Variants in SPTA1 observed in about 807,000 individuals in gnomAD.
SPTA1 encodes spectrin alpha chain, erythrocytic 1.
SPTA1 carries 177 observed loss-of-function variants against 324.7 expected under a neutral mutation model. That is an observed-to-expected ratio of 0.55 (90% CI 0.48 to 0.62). The LOEUF is 0.62. Ranked by LOEUF, SPTA1 falls within the 20% of genes least tolerant of loss-of-function variation. The probability of loss-of-function intolerance (pLI) is 0.00; values close to 1 mark genes in which losing one functional copy is unlikely to be tolerated. For synonymous variants in SPTA1, 1,195 were observed against 1,041.3 expected (o/e 1.15, Z -2.84); for missense variants, 3,162 against 2,883.6 (o/e 1.10, Z -2.21).
chr1:158,626,444 T>A (rs1037446492), intron 41 of SPTA1, among the ~76,000 whole-genome samples: 1 of 152,084 alleles, frequency 6.6e-6, no homozygotes, highest in Admixed American at 6.6e-5. Context: ...TTTTGAGTAC[T>A]TCATAGAAAA....
intron 18 of SPTA1, among the ~76,000 whole-genome samples, chr1:158,658,393 TATGCACAC>T (rs1652979065): frequency 1.3e-5 from 2 of 152,142 alleles, no homozygotes. Flanking sequence ...TGATTACTCA[TATGCACAC>T]ATGTATAAGG....
chr1:158,614,229 A>T (rs768389534), intron 49 of SPTA1, 24 bp downstream of exon 49: 1 of 1,513,312 alleles, frequency 6.6e-7, no homozygotes, highest in East Asian at 2.3e-5. Context: ...ACAAAGAAGC[A>T]GTTAACTATG....
chr1:158,669,736 T>C lies in SPTA1; in HGVS notation c.1650A>G (p.Ser550=), dbSNP rs759124173. 3 of 1,614,142 alleles carry C rather than the reference T, an allele frequency of 1.9e-6. No homozygotes were observed. The highest frequency in any genetic ancestry group is 2.5e-6 in the Non-Finnish European group (3 of 1,179,994). ...TKLIGDDHYD[S]ENIKAIRDGL... ...CGTCACGGATAGCCTTGATGTTCTC[T>C]GAATCATAATGGTCATCACCAATCA... The change falls in exon 13 of 52, where the codon TCA becomes TCG. Residue 550 remains serine, a synonymous_variant. Transcript: ENST00000643759.
At chr1:158,661,645 A>G (rs776379258) in intron 17 of SPTA1, among the ~76,000 whole-genome samples, 13 of 152,222 alleles carry the variant, frequency 8.5e-5, no homozygotes, top group African/African-American at 1.9e-4. Context: ...TAATGAAAAC[A>G]TCACTATTGT....
At chr1:158,660,187 C>A (rs924852345) in intron 18 of SPTA1, among the ~76,000 whole-genome samples, 9 of 152,078 alleles carry the variant, frequency 5.9e-5, no homozygotes, top group African/African-American at 2.2e-4. Flanking sequence ...TTGATGATTG[C>A]ACTAAGTGTA....
At position 158,668,077 on chromosome 1, in the gene SPTA1, A is replaced by AAG; in HGVS notation, c.1834-16_1834-15insCT. 8.4e-6 allele frequency: 3 copies of AAG among 356,506 alleles called. No individual in the cohort carries two copies. Among genetic ancestry groups the AAG allele is most frequent in the Admixed American group, 1.8e-4 (2 of 11,234 alleles). The allele number at this position is 356,506 out of a possible 1,614,324, so 22.1% of individuals were successfully genotyped here. ...TTCTGTATGTCCTGAGATAAGATGAAAAAAAAAAAAAAAACCATTACCTGA... is the reference window on the plus strand; with the variant it reads ...TTCTGTATGTCCTGAGATAAGATGAAAGAAAAAAAAAAAAAACCATTACCTGA... On this transcript the variant is annotated splice_polypyrimidine_tract_variant and intron_variant, in intron 14 of 51. Transcript: ENST00000643759.
rs1309699821 is a variant in SPTA1, at chr1:158,661,370, T to C, written c.2504A>G (p.His835Arg). 1 of 1,613,942 alleles carries C rather than the reference T, an allele frequency of 6.2e-7. No homozygotes were observed. Among genetic ancestry groups the C allele is most frequent in the South Asian group, 1.1e-5 (1 of 91,082 alleles). ...GGCAATGTTCTCCAGGATGACTCTATGCCTATTCAGAAGCTTTTTGGAAGC... is the reference window on the plus strand; with the variant it reads ...GGCAATGTTCTCCAGGATGACTCTACGCCTATTCAGAAGCTTTTTGGAAGC... ...LIASKKLLNRHRVILENIASH... is the reference protein window; with the variant it reads ...LIASKKLLNRRRVILENIASH... Residue 835 changes from histidine (H) to arginine (R), a missense_variant, in exon 18 of 52, where the codon CAT (histidine) becomes CGT (arginine). Coordinates refer to ENST00000643759, the MANE Select transcript of SPTA1 (RefSeq NM_003126.4).
Position 158,652,622 on chromosome 1 carries a change from GTTC to G in SPTA1, c.3217_3219del (p.Glu1073del). The G allele has an allele frequency of 6.2e-7, 1 of 1,614,126 alleles. No homozygotes were observed. Among genetic ancestry groups the G allele is most frequent in the African/African-American group, 1.3e-5 (1 of 75,024 alleles). ...TAACGTTGCAATAGACGACGTCTGC[GTTC>G]TTCTGCCCGATCCAAGAGGGAGCGG... is the stretch of plus-strand genomic sequence containing the variant. On this transcript the variant is annotated inframe_deletion, in exon 23 of 52. Coordinates refer to ENST00000643759, the MANE Select transcript of SPTA1 (RefSeq NM_003126.4).
intron 31 of SPTA1, 64 bp downstream of exon 31, chr1:158,643,257 TG>T: frequency 2.5e-6 from 4 of 1,568,740 alleles, no homozygotes; most frequent in Non-Finnish European, 3.5e-6. Flanking sequence ...CCCATCTCAA[TG>T]CTAGCAAAAA....
intron 25 of SPTA1, among the ~76,000 whole-genome samples, chr1:158,649,038 T>G (rs1475432974): frequency 6.6e-6 from 1 of 152,216 alleles, no homozygotes; most frequent in Non-Finnish European, 1.5e-5. Context: ...CACAGACCTG[T>G]CTGAGTCTGT....
chr1:158,640,838 C>T (rs536764014), intron 33 of SPTA1, among the ~76,000 whole-genome samples: 125 of 152,206 alleles, frequency 8.2e-4, no homozygotes, highest in African/African-American at 2.9e-3. Flanking sequence ...CAAAAAAGAG[C>T]CTACATTGCC....
chr1:158,633,661 G>GAAAAAAAAAAAA (rs1036389907), intron 39 of SPTA1, among the ~76,000 whole-genome samples: 2 of 61,216 alleles, frequency 3.3e-5, no homozygotes, highest in African/African-American at 5.1e-5. Context: ...ACTCTGTCTC[G>GAAAAAAAAAAAA]AAAAAAAAAA....
intron 1 of SPTA1, 135 bp downstream of exon 1, chr1:158,686,359 A>C: frequency 3.2e-6 from 1 of 312,314 alleles, no homozygotes; most frequent in Non-Finnish European, 6.4e-6. Flanking sequence ...AAAATAGTTA[A>C]AAGTAAAATT....
At chr1:158,611,446 T>C in intron 51 of SPTA1, 57 bp from the exon 52 acceptor site, 1 of 1,606,252 alleles carries the variant, frequency 6.2e-7, no homozygotes, top group South Asian at 1.1e-5. Flanking sequence ...AGCTGGTTCC[T>C]TGGGGCTTCC....
chr1:158,672,300 A>C (rs1654083870), intron 10 of SPTA1, 104 bp from the exon 11 acceptor site: 1 of 1,281,438 alleles, frequency 7.8e-7, no homozygotes, highest in African/African-American at 1.5e-5. Context: ...ATACAAAAAT[A>C]AACAGCAAAT....
At chr1:158,686,221 T>C (rs1450107300) in intron 1 of SPTA1, among the ~76,000 whole-genome samples, 2 of 152,224 alleles carry the variant, frequency 1.3e-5, no homozygotes, top group African/African-American at 4.8e-5. Context: ...GATCATTACA[T>C]GGAGACTCAC....
At chr1:158,662,576 T>C in intron 17 of SPTA1, 126 bp downstream of exon 17, 3 of 1,314,436 alleles carry the variant, frequency 2.3e-6, no homozygotes, top group Non-Finnish European at 3.1e-6. Context: ...GGACAAATTT[T>C]CATGAGTGTG....
At chr1:158,618,352 G>C (rs1020715355) in intron 45 of SPTA1, among the ~76,000 whole-genome samples, 1 of 152,192 alleles carries the variant, frequency 6.6e-6, no homozygotes, top group African/African-American at 2.4e-5. Context: ...AAGAGGAAGA[G>C]AAGGGTGTTC....
rs777145325 is a variant in SPTA1, at chr1:158,681,647, G to T, written c.411C>A (p.Arg137=). ...GCTCTAACAGCAGGTCCCACAGGTG[G>T]CGTAGCTCCTCTATATGGGCCTTTA... is the stretch of plus-strand genomic sequence containing the variant. ...EETKAHIEEL[R]HLWDLLLELT... The change falls in exon 4 of 52, where the codon CGC becomes CGA. Residue 137 remains arginine, a synonymous_variant. Coordinates refer to ENST00000643759, the MANE Select transcript of SPTA1 (RefSeq NM_003126.4). 1 of 1,613,660 alleles carries T rather than the reference G, an allele frequency of 6.2e-7. No individual in the cohort carries two copies. Among genetic ancestry groups the T allele is most frequent in the South Asian group, 1.1e-5 (1 of 91,068 alleles).
Sources: gnomAD v4.1 joint callset for allele counts (sites outside exome capture counted in the v4.1 genomes callset) on GRCh38, gnomAD v4.1.1 for gene constraint, MANE v1.5 for transcripts, NCBI Gene and HGNC (gene_info 2026-07-23, HGNC 2026-07-21) for gene names.